PCDHA3: variants seen among roughly 807,000 people sequenced by gnomAD.
PCDHA3 encodes protocadherin alpha-3.
In PCDHA3, 41 loss-of-function variants were observed where a neutral mutation model predicts 62.2. The ratio of observed to expected loss-of-function variants is 0.66; its 90% confidence interval spans 0.51 to 0.86. The LOEUF is 0.86. Among genes scored for constraint, PCDHA3 ranks in the 40% least tolerant of loss-of-function variants. The pLI, the probability that PCDHA3 is intolerant of heterozygous loss-of-function variation, is 0.00. For missense variants in PCDHA3, 1,304 were observed against 1,241.2 expected, an observed-to-expected ratio of 1.05 and a Z score of -0.76; for synonymous variants, 640 against 555.4, an observed-to-expected ratio of 1.15 and a Z score of -2.14.
intron 1 of PCDHA3, chr5:140,834,143 T>C: frequency 1.9e-6 from 1 of 514,248 alleles, no homozygotes. Flanking sequence ...GATTAATAGT[T>C]TGTAATGGTT....
At chr5:140,926,654 C>G (rs2083445492) in intron 1 of PCDHA3, 1 of 514,022 alleles carries the variant, frequency 1.9e-6, no homozygotes, top group Non-Finnish European at 3.1e-6. Flanking sequence ...GCCGGCTCCG[C>G]TTTCCCAGAC....
chr5:140,819,362 C>A (rs1256246509), intron 1 of PCDHA3, among the ~76,000 whole-genome samples: 2 of 152,074 alleles, frequency 1.3e-5, no homozygotes, highest in East Asian at 3.8e-4. Flanking sequence ...ATTAAATTTT[C>A]TTGTGTTAGT....
At chr5:140,850,643 G>T in intron 1 of PCDHA3, 1 of 1,598,690 alleles carries the variant, frequency 6.3e-7, no homozygotes, top group Non-Finnish European at 8.6e-7. Flanking sequence ...TCACGCTGCT[G>T]CTGTACACTG....
chr5:140,823,741 C>A (rs2150128632), intron 1 of PCDHA3: 25 of 1,613,720 alleles, frequency 1.5e-5, no homozygotes, highest in Non-Finnish European at 2.0e-5. Flanking sequence ...CCATGGAGAG[C>A]CCCCGCTGAC....
chr5:140,851,265 CTTGTA>C, intron 1 of PCDHA3: 1 of 1,075,054 alleles, frequency 9.3e-7, no homozygotes, highest in Non-Finnish European at 1.2e-6. Flanking sequence ...TTTTAGTCTA[CTTGTA>C]TTGTTTATAA....
Position 140,833,676 on chromosome 5 carries a change from C to T in PCDHA3, c.2394+30085C>T, listed in dbSNP as rs2150210377. On this transcript the variant is annotated intron_variant, in intron 1 of 3. Coordinates refer to ENST00000522353, the MANE Select transcript of PCDHA3 (RefSeq NM_018906.3). ...AAATTCTTCCCCTTCAAAGATTCCC[C>T]AAACCTTCTCTTATTTTGTTTTCCC... Among the ~76,000 whole-genome samples, 6 of 152,216 alleles carry T rather than the reference C, an allele frequency of 3.9e-5. No homozygotes were observed. In the Middle Eastern group the frequency reaches 0.014, roughly 345 times the overall value.
Position 140,856,227 on chromosome 5 carries a change from A to C in PCDHA3, c.2394+52636A>C, listed in dbSNP as rs149352769. 4,605 of 1,597,986 alleles carry C rather than the reference A, an allele frequency of 2.9e-3. 355 individuals carry two copies. The highest frequency in any genetic ancestry group is 0.01 in the Middle Eastern group (60 of 5,808). ...GGGCTGGAGCTGGCGGAGCTGGTGC[A>C]GCGCCTGTTCCGGGTGGCGTCCAAA... On this transcript the variant is annotated intron_variant, in intron 1 of 3. Transcript: ENST00000522353.
At chr5:140,862,618 C>T in intron 1 of PCDHA3, 1 of 526,556 alleles carries the variant, frequency 1.9e-6, no homozygotes, top group East Asian at 5.1e-5. Context: ...AGGTAACAAC[C>T]CGCGGGGCTG....
intron 1 of PCDHA3, among the ~76,000 whole-genome samples, chr5:140,908,124 C>A (rs782391085): frequency 6.6e-6 from 1 of 152,234 alleles, no homozygotes; most frequent in Non-Finnish European, 1.5e-5. Flanking sequence ...GATTTCCCTT[C>A]ACTGCTGTCC....
chr5:140,949,161 C>T (rs2094347975), intron 1 of PCDHA3, among the ~76,000 whole-genome samples: 1 of 151,598 alleles, frequency 6.6e-6, no homozygotes, highest in Admixed American at 6.6e-5. Context: ...TAATCTAATT[C>T]TCTTTTGGTC....
At position 140,842,609 on chromosome 5, in the gene PCDHA3, G is replaced by C. The variant is rs534936483; in HGVS notation, c.2394+39018G>C. The stretch of plus-strand genomic sequence containing the variant: ...TGAGTTGGTGGTAACCGCGCGGGAC[G>C]GGGGCTCGCCTTCGCTGTGGGCCAC... On this transcript the variant is annotated intron_variant, in intron 1 of 3. Coordinates refer to ENST00000522353, the MANE Select transcript of PCDHA3 (RefSeq NM_018906.3). 11 of 1,595,750 alleles carry C rather than the reference G, an allele frequency of 6.9e-6. 2 individuals are homozygous for C. Among genetic ancestry groups the C allele is most frequent in the Non-Finnish European group, 7.7e-6 (9 of 1,165,644 alleles).
intron 1 of PCDHA3, among the ~76,000 whole-genome samples, chr5:140,906,546 G>A (rs1261080393): frequency 2.0e-5 from 3 of 152,222 alleles, no homozygotes; most frequent in Non-Finnish European, 4.4e-5. Context: ...CCTCATTTCT[G>A]CAACTGGTTG....
intron 1 of PCDHA3, among the ~76,000 whole-genome samples, chr5:140,891,171 A>T (rs1221936185): frequency 1.3e-5 from 2 of 151,478 alleles, no homozygotes; most frequent in African/African-American, 4.9e-5. Flanking sequence ...TGCTTTTCAG[A>T]TTTTCTGTGT....
intron 1 of PCDHA3, chr5:140,835,456 C>T: frequency 6.2e-7 from 1 of 1,613,924 alleles, no homozygotes; most frequent in East Asian, 2.2e-5. Context: ...CTGTCTCTCC[C>T]TATTCCAGAG....
chr5:140,867,814 A>G (rs1277915043), intron 1 of PCDHA3: 1 of 152,106 alleles, frequency 6.6e-6, no homozygotes, highest in East Asian at 1.9e-4. Flanking sequence ...ATGAAATTCC[A>G]TTTCCACAAG....
chr5:140,850,322 C>G lies in PCDHA3; in HGVS notation c.2394+46731C>G, dbSNP rs2150479524. 264 of 1,597,382 alleles carry G rather than the reference C, an allele frequency of 1.7e-4. 27 individuals are homozygous for G. The highest frequency in any genetic ancestry group is 2.2e-4 in the Non-Finnish European group (252 of 1,167,724). ...CGGGCTACAACGCGTGGCTTTCATA[C>G]GAGCTGCAGCCAGAAACGGCCAGCG... On this transcript the variant is annotated intron_variant, in intron 1 of 3. Coordinates refer to ENST00000522353, the MANE Select transcript of PCDHA3 (RefSeq NM_018906.3).
chr5:140,947,188 T>C (rs2153678869), intron 1 of PCDHA3, among the ~76,000 whole-genome samples: 1 of 151,448 alleles, frequency 6.6e-6, no homozygotes, highest in South Asian at 2.1e-4. Context: ...CATGGTATAC[T>C]ACACAGCCTT....
intron 3 of PCDHA3, among the ~76,000 whole-genome samples, chr5:140,992,004 G>A (rs1165725360): frequency 2.0e-5 from 3 of 147,598 alleles, no homozygotes; most frequent in Non-Finnish European, 3.0e-5. Context: ...TTCATGTTCA[G>A]GCAGAGGTGG....
chr5:140,887,323 C>T (rs1209011082), intron 1 of PCDHA3, among the ~76,000 whole-genome samples: 5 of 152,084 alleles, frequency 3.3e-5, no homozygotes, highest in African/African-American at 1.2e-4. Context: ...GTCTCGAACT[C>T]CTGACCTCGT....
Sources: allele counts gnomAD v4.1 joint callset (sites outside exome capture counted in the v4.1 genomes callset), GRCh38; gene constraint gnomAD v4.1.1; transcripts MANE v1.5; gene names NCBI Gene and HGNC (gene_info 2026-07-23, HGNC 2026-07-21).